Variants in PDE10A observed in about 807,000 individuals in gnomAD.
The protein encoded by PDE10A is cAMP and cAMP-inhibited cGMP 3',5'-cyclic phosphodiesterase 10A.
A neutral mutation model predicts 97.7 loss-of-function variants in PDE10A; 39 were observed. That is an observed-to-expected ratio of 0.40 (90% CI 0.31 to 0.52). PDE10A has a LOEUF of 0.52. Among genes scored for constraint, PDE10A ranks in the 20% least tolerant of loss-of-function variants. The pLI is 0.56. For synonymous variants in PDE10A, 371 were observed against 376.8 expected (o/e 0.98, Z 0.18); for missense variants, 731 against 1,047.8 (o/e 0.70, Z 4.17).
intron 1 of PDE10A, among the ~76,000 whole-genome samples, chr6:165,915,115 C>T (rs1346204094): frequency 6.6e-6 from 1 of 152,058 alleles, no homozygotes; most frequent in African/African-American, 2.4e-5. Context: ...TGCAAATGTG[C>T]AATTAGAGTG....
intron 13 of PDE10A, among the ~76,000 whole-genome samples, chr6:165,402,617 T>C (rs1460760146): frequency 1.3e-5 from 2 of 152,182 alleles, no homozygotes; most frequent in African/African-American, 4.8e-5. Context: ...AACTGCTGTT[T>C]GTCTAAAACT....
chr6:165,328,442 G>T lies in PDE10A; in HGVS notation c.*4583C>A, dbSNP rs928299792. ...AGAGGAAAACTGAAATATGTAAACT[G>T]ACTTCCCTACTTAGTAAGCCCTGGA... On this transcript the variant is annotated 3_prime_UTR_variant, in exon 22 of 22. Coordinates refer to ENST00000539869, the MANE Select transcript of PDE10A (RefSeq NM_001385079.1). 1.3e-5 allele frequency: 2 copies of T among 152,214 alleles called. No homozygotes were observed. The highest frequency in any genetic ancestry group is 2.9e-5 in the Non-Finnish European group (2 of 68,044). 9.4% of individuals were successfully genotyped at this position (152,214 alleles called of 1,614,324 possible).
intron 18 of PDE10A, among the ~76,000 whole-genome samples, chr6:165,366,697 G>C (rs1387361196): frequency 6.6e-6 from 1 of 152,092 alleles, no homozygotes; most frequent in Non-Finnish European, 1.5e-5. Flanking sequence ...AGTTGAGGAG[G>C]GAAATCCTAG....
intron 1 of PDE10A, among the ~76,000 whole-genome samples, chr6:165,710,780 G>C (rs1281593258): frequency 6.6e-6 from 1 of 152,190 alleles, no homozygotes; most frequent in Admixed American, 6.5e-5. Flanking sequence ...AATCAAGAAA[G>C]TACCCAACTT....
chr6:165,863,430 C>G (rs528973178), intron 1 of PDE10A, among the ~76,000 whole-genome samples: 3 of 152,250 alleles, frequency 2.0e-5, no homozygotes, highest in East Asian at 1.9e-4. Flanking sequence ...AGCATTCAAC[C>G]CCTTCTGACA....
chr6:165,528,677 AC>A lies in PDE10A; in HGVS notation c.994+14762del, dbSNP rs199813808. Among the ~76,000 whole-genome samples, 37 of 152,348 alleles carry A rather than the reference AC, an allele frequency of 2.4e-4. 1 individual carries two copies. The East Asian group carries it at 6.4e-3, about 26-fold the overall frequency. ...TTTATCCACCATCATGGTAATCCAC[AC>A]AGCAGTGCCTCTGACCCAGGCACTC... On this transcript the variant is annotated intron_variant, in intron 2 of 21. Coordinates refer to ENST00000539869, the MANE Select transcript of PDE10A (RefSeq NM_001385079.1).
chr6:165,466,864 G>A (rs1778684662), intron 3 of PDE10A, among the ~76,000 whole-genome samples: 1 of 152,186 alleles, frequency 6.6e-6, no homozygotes, highest in African/African-American at 2.4e-5. Flanking sequence ...TAAACCTAGT[G>A]AGGAAGACAC....
intron 1 of PDE10A, among the ~76,000 whole-genome samples, chr6:165,650,902 T>C (rs1005298278): frequency 1.3e-5 from 2 of 152,184 alleles, no homozygotes; most frequent in Non-Finnish European, 2.9e-5. Context: ...CGCACCCAGC[T>C]ACTTTTTGTA....
chr6:165,399,878 A>G (rs1331422161), intron 13 of PDE10A, among the ~76,000 whole-genome samples: 1 of 152,226 alleles, frequency 6.6e-6, no homozygotes, highest in East Asian at 1.9e-4. Context: ...TAGTGCCGCA[A>G]TAAACATACA....
intron 21 of PDE10A, among the ~76,000 whole-genome samples, chr6:165,334,348 GCGCCGGGCACGCGCC>G (rs1175843798): frequency 2.7e-5 from 4 of 148,816 alleles, no homozygotes; most frequent in African/African-American, 7.5e-5. Flanking sequence ...GCGCCCTACA[GCGCCGGGCACGCGCC>G]TCCATAGCGC....
At chr6:165,389,074 G>A (rs1251527803) in intron 16 of PDE10A, among the ~76,000 whole-genome samples, 1 of 152,160 alleles carries the variant, frequency 6.6e-6, no homozygotes, top group African/African-American at 2.4e-5. Flanking sequence ...GAGCACGCCG[G>A]GCAGGGGAGC....
chr6:165,864,715 T>G (rs1780993044), intron 1 of PDE10A, among the ~76,000 whole-genome samples: 1 of 152,176 alleles, frequency 6.6e-6, no homozygotes, highest in Admixed American at 6.5e-5. Context: ...AAGCATAAAG[T>G]TGTTCATGGA....
chr6:165,762,605 G>A (rs779976049), intron 1 of PDE10A, among the ~76,000 whole-genome samples: 1 of 152,076 alleles, frequency 6.6e-6, no homozygotes, highest in Non-Finnish European at 1.5e-5. Context: ...ATTATAGATA[G>A]AATAGATCAC....
intron 1 of PDE10A, among the ~76,000 whole-genome samples, chr6:165,932,543 T>A (rs1019508448): frequency 1.3e-5 from 2 of 152,054 alleles, no homozygotes; most frequent in African/African-American, 4.8e-5. Context: ...ACCATATTGG[T>A]CAGGCTGGTC....
At chr6:165,676,678 G>T (rs1790805131) in intron 1 of PDE10A, among the ~76,000 whole-genome samples, 1 of 152,174 alleles carries the variant, frequency 6.6e-6, no homozygotes, top group Admixed American at 6.5e-5. Context: ...GGGCTGTTTA[G>T]GCCACTGACT....
intron 1 of PDE10A, among the ~76,000 whole-genome samples, chr6:165,724,307 T>C (rs1489143738): frequency 6.7e-6 from 1 of 149,226 alleles, no homozygotes; most frequent in Non-Finnish European, 1.5e-5. Flanking sequence ...ATCAAATGCT[T>C]CCTGCTCTCT....
intron 2 of PDE10A, among the ~76,000 whole-genome samples, chr6:165,526,555 A>G (rs538156174): frequency 6.6e-6 from 1 of 152,324 alleles, no homozygotes; most frequent in African/African-American, 2.4e-5. Flanking sequence ...GCCACCATCA[A>G]GGACTTGAAA....
At chr6:165,558,490 C>T (rs117112754) in intron 1 of PDE10A, among the ~76,000 whole-genome samples, 6,902 of 152,110 alleles carry the variant, frequency 0.045, 250 homozygotes, top group Non-Finnish European at 0.064. Context: ...GCATGATATT[C>T]ATATACAGAC....
intron 3 of PDE10A, among the ~76,000 whole-genome samples, chr6:165,453,098 T>C (rs1376632705): frequency 6.6e-6 from 1 of 152,152 alleles, no homozygotes; most frequent in African/African-American, 2.4e-5. Context: ...TCTGTAGCCA[T>C]GTCCCAGGGC....
Sources: gnomAD v4.1 joint callset for allele counts (sites outside exome capture counted in the v4.1 genomes callset) on GRCh38, gnomAD v4.1.1 for gene constraint, MANE v1.5 for transcripts, NCBI Gene and HGNC (gene_info 2026-07-23, HGNC 2026-07-21) for gene names.